Variants in CNTN4 observed in about 807,000 individuals in gnomAD.
The protein encoded by CNTN4 is contactin-4.
Under a neutral mutation model 122.5 loss-of-function variants are expected in CNTN4, and 77 were observed. That is an observed-to-expected ratio of 0.63 (90% CI 0.52 to 0.76). The LOEUF (loss-of-function observed/expected upper bound fraction) is 0.76, where lower values mean the gene tolerates loss of function less well. Ranked by LOEUF, CNTN4 falls within the 30% of genes least tolerant of loss-of-function variation. CNTN4 has a pLI of 0.00. For synonymous variants in CNTN4, 512 were observed against 447.0 expected, an observed-to-expected ratio of 1.15 and a Z score of -1.83; for missense variants, 1,256 against 1,259.1, an observed-to-expected ratio of 1.00 and a Z score of 0.04.
rs778888279 is a variant in CNTN4 at position 2,866,834 on chromosome 3, G to T, written c.537G>T (p.Leu179=). The change falls in exon 8 of 25, where the codon CTG becomes CTT. Residue 179 remains leucine (L), a synonymous_variant. Coordinates refer to ENST00000418658, the MANE Select transcript of CNTN4 (RefSeq NM_175607.3). ...RRFVSQETGN[L]YIAKVEKSDV... is the part of the protein sequence containing the mutation. ...TTGTTTCTCAAGAGACTGGGAATCT[G>T]TATATTGCCAAAGTAGAAAAATCAG... 1 of 1,613,950 alleles carries T rather than the reference G, an allele frequency of 6.2e-7. No homozygotes were observed. The highest frequency in any genetic ancestry group is 8.5e-7 in the Non-Finnish European group (1 of 1,179,872).
intron 2 of CNTN4, among the ~76,000 whole-genome samples, chr3:2,115,378 A>G (rs959778022): frequency 6.6e-6 from 1 of 152,128 alleles, no homozygotes; most frequent in African/African-American, 2.4e-5. Flanking sequence ...TATCCTTTTG[A>G]TAGTCTCCTT....
In CNTN4 at chr3:2,516,664, A is replaced by G. The variant is rs1332549533; in HGVS notation, c.-88-54752A>G. ...AAGGGAAGTCCTTCTGCATTTTTGC[A>G]TGAAATTTCTCTATGTTTTAAGGGA... On this transcript the variant is annotated intron_variant, in intron 3 of 24. Transcript: ENST00000418658. Among the ~76,000 whole-genome samples the G allele has an allele frequency of 2.6e-5, 4 of 152,250 alleles. No homozygotes were observed. The East Asian group carries it at 7.7e-4, about 29-fold the overall frequency.
chr3:2,330,187 A>G (rs1246604447), intron 2 of CNTN4, among the ~76,000 whole-genome samples: 1 of 152,200 alleles, frequency 6.6e-6, no homozygotes, highest in Non-Finnish European at 1.5e-5. Flanking sequence ...GGTTTATAAT[A>G]AAGGATATTA....
At chr3:3,042,024 G>A (rs907643389) in intron 20 of CNTN4, among the ~76,000 whole-genome samples, 2 of 152,176 alleles carry the variant, frequency 1.3e-5, no homozygotes, top group Non-Finnish European at 2.9e-5. Flanking sequence ...TGCTAATTAA[G>A]AAGGATCTGT....
intron 13 of CNTN4, among the ~76,000 whole-genome samples, chr3:2,983,322 C>T (rs1209804072): frequency 6.7e-6 from 1 of 148,796 alleles, no homozygotes; most frequent in Non-Finnish European, 1.5e-5. Context: ...AATATATCAT[C>T]CCCCTTCTGT....
intron 3 of CNTN4, among the ~76,000 whole-genome samples, chr3:2,517,164 G>T (rs2077062694): frequency 6.6e-6 from 1 of 152,084 alleles, no homozygotes; most frequent in East Asian, 1.9e-4. Flanking sequence ...AGTGCTGTTG[G>T]ATTTGACTGT....
chr3:2,657,930 G>T (rs1230048306), intron 4 of CNTN4, among the ~76,000 whole-genome samples: 3 of 151,046 alleles, frequency 2.0e-5, no homozygotes, highest in Non-Finnish European at 2.9e-5. Context: ...ATTCCGGCTT[G>T]TTCTGACACC....
Position 3,040,256 on chromosome 3 carries a change from T to C in CNTN4, c.2383T>C (p.Tyr795His). Reference sequence around the variant, plus strand: ...CCCTTTCAGTCCCACCACGGTGGTGTATTCTGCAGAAGAAGGTATCGTTTA... The same window carrying C: ...CCCTTTCAGTCCCACCACGGTGGTGCATTCTGCAGAAGAAGGTATCGTTTA... Reference protein sequence around the residue: ...EGPFSPTTVVYSAEEEPTKPP... With the variant: ...EGPFSPTTVVHSAEEEPTKPP... The change falls in exon 20 of 25, where the codon TAT (tyrosine) becomes CAT (histidine). Residue 795 changes from tyrosine to histidine, a missense_variant. By Grantham distance (83) the Tyr-to-His change is moderately conservative. Transcript: ENST00000418658. 3 of 1,612,500 alleles carry C rather than the reference T, an allele frequency of 1.9e-6. No individual in the cohort carries two copies. The highest frequency in any genetic ancestry group is 2.5e-6 in the Non-Finnish European group (3 of 1,178,484).
chr3:2,500,174 A>T (rs1046836082), intron 3 of CNTN4, among the ~76,000 whole-genome samples: 1 of 152,062 alleles, frequency 6.6e-6, no homozygotes, highest in African/African-American at 2.4e-5. Context: ...TTTTATATTA[A>T]TTAGTATTTT....
intron 3 of CNTN4, among the ~76,000 whole-genome samples, chr3:2,432,224 C>T (rs368185275): frequency 3.9e-5 from 6 of 152,310 alleles, no homozygotes; most frequent in Non-Finnish European, 7.4e-5. Context: ...ATCACCTGAA[C>T]TAACTCTCCC....
chr3:2,159,042 A>G (rs756256861), intron 2 of CNTN4, among the ~76,000 whole-genome samples: 4 of 152,086 alleles, frequency 2.6e-5, no homozygotes, highest in Non-Finnish European at 4.4e-5. Flanking sequence ...AGAGGCAGCG[A>G]GTGGGAGAAA....
chr3:2,479,955 G>A (rs2075942446), intron 3 of CNTN4, among the ~76,000 whole-genome samples: 1 of 151,992 alleles, frequency 6.6e-6, no homozygotes, highest in South Asian at 2.1e-4. Flanking sequence ...GTATCCAAGG[G>A]TGGTTCAACA....
At chr3:2,287,635 A>C (rs1359036152) in intron 2 of CNTN4, among the ~76,000 whole-genome samples, 1 of 31,978 alleles carries the variant, frequency 3.1e-5, no homozygotes, top group Non-Finnish European at 6.4e-5. Flanking sequence ...GGAGAAGGAG[A>C]AGAAGAAGAA....
intron 4 of CNTN4, among the ~76,000 whole-genome samples, chr3:2,609,155 T>C (rs1043541960): frequency 6.6e-6 from 1 of 152,248 alleles, no homozygotes; most frequent in Non-Finnish European, 1.5e-5. Context: ...ATGTGTCCTC[T>C]ACAGAATTTG....
chr3:2,318,160 G>A (rs1171129850), intron 2 of CNTN4, among the ~76,000 whole-genome samples: 1 of 150,404 alleles, frequency 6.6e-6, no homozygotes, highest in Admixed American at 6.7e-5. Flanking sequence ...CACAGTGTGT[G>A]ATGATTGCAA....
intron 4 of CNTN4, among the ~76,000 whole-genome samples, chr3:2,630,548 T>C (rs2082384903): frequency 6.6e-6 from 1 of 152,204 alleles, no homozygotes; most frequent in South Asian, 2.1e-4. Context: ...CCTATTGGCT[T>C]GACAAGCCCA....
At chr3:2,782,205 C>T (rs915620870) in intron 6 of CNTN4, among the ~76,000 whole-genome samples, 3 of 151,900 alleles carry the variant, frequency 2.0e-5, no homozygotes, top group African/African-American at 7.3e-5. Context: ...GCATGTCTGA[C>T]CCCAGCTTCC....
intron 10 of CNTN4, among the ~76,000 whole-genome samples, chr3:2,899,168 G>A (rs1347811578): frequency 6.6e-6 from 1 of 152,198 alleles, no homozygotes; most frequent in East Asian, 1.9e-4. Flanking sequence ...TTATTCAAGG[G>A]CCTAGAGACC....
In CNTN4 at chr3:2,114,178, G is replaced by C. The variant is rs553488427; in HGVS notation, c.-145+13539G>C. On this transcript the variant is annotated intron_variant, in intron 2 of 24. Transcript: ENST00000418658. ...GAGCACTTAAGAAAGAGGGTGGCCA[G>C]GTGGTGGCTCACACCTGTAATCCCA... 2.0e-5 allele frequency among the ~76,000 whole-genome samples: 3 copies of C among 152,182 alleles called. No homozygotes were observed. The South Asian group carries it at 6.2e-4, about 32-fold the overall frequency.
Sources: gnomAD v4.1 joint callset for allele counts (sites outside exome capture counted in the v4.1 genomes callset) on GRCh38, gnomAD v4.1.1 for gene constraint, MANE v1.5 for transcripts, NCBI Gene and HGNC (gene_info 2026-07-23, HGNC 2026-07-21) for gene names.